PRSS23: variants seen among roughly 807,000 people sequenced by gnomAD.
The protein encoded by PRSS23 is serine protease 23, also known as protease, serine 23.
A neutral mutation model predicts 34.7 loss-of-function variants in PRSS23; 25 were observed. That is an observed-to-expected ratio of 0.72 (90% CI 0.53 to 1.01). The LOEUF (loss-of-function observed/expected upper bound fraction) is 1.01, where lower values mean the gene tolerates loss of function less well. Ranked by LOEUF, PRSS23 falls within the 50% of genes least tolerant of loss-of-function variation. The pLI is 0.00. For synonymous variants in PRSS23, 176 were observed against 186.6 expected, an observed-to-expected ratio of 0.94 and a Z score of 0.46; for missense variants, 445 against 475.6, an observed-to-expected ratio of 0.94 and a Z score of 0.60.
At chr11:86,803,606 G>A (rs778952131) in intron 1 of PRSS23, among the ~76,000 whole-genome samples, 23 of 152,158 alleles carry the variant, frequency 1.5e-4, no homozygotes, top group Non-Finnish European at 1.5e-5. Context: ...GTCAGGGCAG[G>A]CTGCGAATGC....
chr11:86,870,399 C>G (rs147955901), intron 2 of PRSS23, among the ~76,000 whole-genome samples: 1 of 152,120 alleles, frequency 6.6e-6, no homozygotes, highest in East Asian at 1.9e-4. Flanking sequence ...CTGGATCCCT[C>G]GTAACCTATT....
At chr11:86,925,293 G>GGAGT (rs1555082477) in intron 2 of PRSS23, among the ~76,000 whole-genome samples, 1 of 103,882 alleles carries the variant, frequency 9.6e-6, no homozygotes, top group Non-Finnish European at 2.1e-5. Flanking sequence ...CTGTTTAACT[G>GGAGT]GAGTGTGTGT....
rs1055862284 is a variant in PRSS23 at position 86,887,997 on chromosome 11, C to T, written c.207-63219C>T. ...AATCTGGGAGGCAGAGGTTACAGTG[C>T]ACCAAGATTGCGCCATTGCACTCCA... On this transcript the variant is annotated intron_variant, in intron 2 of 2. Transcript: ENST00000533902. 6.6e-5 allele frequency among the ~76,000 whole-genome samples: 10 copies of T among 151,200 alleles called. 1 individual carries two copies. Among genetic ancestry groups the T allele is most frequent in the African/African-American group, 2.2e-4 (9 of 41,106 alleles).
chr11:86,913,842 G>A (rs1334127496), intron 2 of PRSS23, among the ~76,000 whole-genome samples: 3 of 151,438 alleles, frequency 2.0e-5, no homozygotes, highest in Admixed American at 6.6e-5. Flanking sequence ...AAGAGGCAGG[G>A]AGTGATAGGA....
At chr11:86,852,158 C>T (rs1435226715) in intron 2 of PRSS23, among the ~76,000 whole-genome samples, 2 of 152,100 alleles carry the variant, frequency 1.3e-5, no homozygotes, top group African/African-American at 2.4e-5. Context: ...GTCCTCCCTG[C>T]GTGGTGCACG....
intron 2 of PRSS23, among the ~76,000 whole-genome samples, chr11:86,841,981 AAAG>A (rs938048414): frequency 1.3e-5 from 2 of 152,236 alleles, no homozygotes; most frequent in African/African-American, 4.8e-5. Context: ...CACAACAAAA[AAAG>A]AGAATTTTAG....
In PRSS23 at chr11:86,863,140, A is replaced by G. The variant is rs554952166; in HGVS notation, c.206+39547A>G. ...ATATTAAAAGAAATATCCTAAGTAG[A>G]TACGACTCCTAATATCACACTTGGT... On this transcript the variant is annotated intron_variant, in intron 2 of 2. Transcript: ENST00000533902. 3.3e-5 allele frequency among the ~76,000 whole-genome samples: 5 copies of G among 152,244 alleles called. No individual in the cohort carries two copies. In the East Asian group the frequency reaches 9.6e-4, roughly 29 times the overall value.
chr11:86,841,262 C>A (rs1026936270), intron 2 of PRSS23, among the ~76,000 whole-genome samples: 1 of 147,968 alleles, frequency 6.8e-6, no homozygotes. Context: ...TCCCTTGAAC[C>A]TGGGAGGTGG....
intron 2 of PRSS23, among the ~76,000 whole-genome samples, chr11:86,847,975 C>T (rs973031940): frequency 2.0e-5 from 3 of 152,208 alleles, no homozygotes; most frequent in Non-Finnish European, 4.4e-5. Flanking sequence ...CCTGCACTGA[C>T]TCTCCTCCAT....
intron 2 of PRSS23, among the ~76,000 whole-genome samples, chr11:86,920,670 C>T (rs1261094650): frequency 6.6e-6 from 1 of 152,078 alleles, no homozygotes; most frequent in African/African-American, 2.4e-5. Context: ...AGATGCCCTA[C>T]CGTAAAATCA....
At chr11:86,843,627 A>G (rs1418905209) in intron 2 of PRSS23, among the ~76,000 whole-genome samples, 2 of 152,264 alleles carry the variant, frequency 1.3e-5, no homozygotes, top group African/African-American at 4.8e-5. Flanking sequence ...ACACTTCTCA[A>G]AAGAAGACAT....
At chr11:86,850,292 A>G (rs983983434) in intron 2 of PRSS23, among the ~76,000 whole-genome samples, 15 of 152,196 alleles carry the variant, frequency 9.9e-5, no homozygotes, top group Non-Finnish European at 1.3e-4. Flanking sequence ...ATTAGCCTAG[A>G]AAGTTCCCCT....
rs546678395 is a variant in PRSS23, at chr11:86,834,908, C to T, written c.206+11315C>T. 7.2e-5 allele frequency among the ~76,000 whole-genome samples: 11 copies of T among 152,332 alleles called. No individual in the cohort carries two copies. In the East Asian group the frequency reaches 1.2e-3, roughly 16 times the overall value. ...CTTTCAAGTATTCCATTATCACTGA[C>T]CACTGCATACCCCGCTTTTCGAAGT... On this transcript the variant is annotated intron_variant, in intron 2 of 2. Transcript: ENST00000533902.
At chr11:86,862,296 G>A (rs745733247) in intron 2 of PRSS23, among the ~76,000 whole-genome samples, 14 of 151,566 alleles carry the variant, frequency 9.2e-5, no homozygotes, top group Non-Finnish European at 1.6e-4. Context: ...ATGTGACAGC[G>A]GGTGTACATC....
chr11:86,796,050 G>A (rs1033345061), upstream of PRSS23, among the ~76,000 whole-genome samples: 14 of 152,158 alleles, frequency 9.2e-5, no homozygotes, highest in African/African-American at 2.9e-4. Context: ...TATTTAACAG[G>A]TCATTCGTGA....
rs937645974 is a variant in PRSS23, at chr11:86,808,711, C to A, written c.1068C>A (p.Asn356Lys). Reference protein sequence around the residue: ...VDMNGSPQDFNVAVRITPLKY... With the variant: ...VDMNGSPQDFKVAVRITPLKY... ...TGAATGGTTCCCCACAGGATTTCAA[C>A]GTGGCTGTCAGAATCACTCCTCTCA... is the stretch of plus-strand genomic sequence containing the variant. Residue 356 changes from asparagine to lysine, a missense_variant, in exon 2 of 2, where the codon AAC (asparagine) becomes AAA (lysine). Coordinates refer to ENST00000280258, the MANE Select transcript of PRSS23 (RefSeq NM_007173.6). 13 of 1,614,006 alleles carry A rather than the reference C, an allele frequency of 8.1e-6. No homozygotes were observed. The highest frequency in any genetic ancestry group is 1.1e-5 in the Non-Finnish European group (13 of 1,180,020).
chr11:86,952,587 C>T (rs1364834741), exon 3 of PRSS23: 1 of 1,116,968 alleles, frequency 9.0e-7, no homozygotes, highest in African/African-American at 1.5e-5. Context: ...TACTTTTAAA[C>T]CAACCTATCG....
intron 2 of PRSS23, among the ~76,000 whole-genome samples, chr11:86,832,031 A>G (rs1948361477): frequency 6.6e-6 from 1 of 151,814 alleles, no homozygotes; most frequent in South Asian, 2.1e-4. Context: ...TACTCATAAT[A>G]TCCGAGGTAA....
intron 2 of PRSS23, chr11:86,936,877 T>A (rs1377050090): frequency 1.9e-4 from 5 of 27,026 alleles, no homozygotes; most frequent in African/African-American, 2.0e-4. Context: ...GGTGACAGAG[T>A]AAAGAAAAAA....
Sources: gnomAD v4.1 joint callset for allele counts (sites outside exome capture counted in the v4.1 genomes callset) on GRCh38, gnomAD v4.1.1 for gene constraint, MANE v1.5 for transcripts, NCBI Gene and HGNC (gene_info 2026-07-23, HGNC 2026-07-21) for gene names.